ZNF283: variants seen among roughly 807,000 people sequenced by gnomAD.
ZNF283 encodes the protein zinc finger protein 41.
In ZNF283, 10 loss-of-function variants were observed where a neutral mutation model predicts 9.2. The observed-to-expected ratio is 1.09, with a 90% CI of 0.67 to 1.85. The LOEUF is 1.85. ZNF283 is among the 40% of genes most tolerant of loss of function. The probability of loss-of-function intolerance (pLI) is 0.00; values close to 1 mark genes in which losing one functional copy is unlikely to be tolerated. For missense variants in ZNF283, 631 were observed against 760.1 expected, an observed-to-expected ratio of 0.83 and a Z score of 2.00; for synonymous variants, 234 against 244.1, an observed-to-expected ratio of 0.96 and a Z score of 0.38.
intron 4 of ZNF283, among the ~76,000 whole-genome samples, chr19:43,834,171 T>C (rs1970849558): frequency 6.6e-6 from 1 of 152,176 alleles, no homozygotes; most frequent in African/African-American, 2.4e-5. Context: ...TTCAGTTATC[T>C]GGAGAGTACC....
Position 43,851,188 on chromosome 19 carries a change from T to G in ZNF283, c.*2547T>G, listed in dbSNP as rs16976854. ...ATATATTATTGGTAACTGGCTATTATGCCACTCCCTCTGGGTGCCACATTT... is the reference window on the plus strand; with the variant it reads ...ATATATTATTGGTAACTGGCTATTAGGCCACTCCCTCTGGGTGCCACATTT... On this transcript the variant is annotated 3_prime_UTR_variant, in exon 7 of 7. Transcript: ENST00000618787. The G allele has an allele frequency of 0.34, 52,176 of 151,974 alleles. 9,164 individuals are homozygous for G. Among genetic ancestry groups the G allele is most frequent in the African/African-American group, 0.38 (15,794 of 41,424 alleles). 9.4% of individuals were successfully genotyped at this position (151,974 alleles called of 1,614,324 possible). A position where few individuals can be genotyped will look rare whatever the true frequency, so the allele number is the denominator to read the frequency against.
Position 43,848,764 on chromosome 19 carries a change from G to A in ZNF283, c.*123G>A. On this transcript the variant is annotated 3_prime_UTR_variant, in exon 7 of 7. Transcript: ENST00000618787. ...CAAAAGCCATTCATTTCTGTTTATGGGCAATTATCTTGCTATCCAGCAATT... is the reference window on the plus strand; with the variant it reads ...CAAAAGCCATTCATTTCTGTTTATGAGCAATTATCTTGCTATCCAGCAATT... 1.1e-6 allele frequency: 1 copy of A among 940,528 alleles called. No individual in the cohort carries two copies. The highest frequency in any genetic ancestry group is 1.5e-6 in the Non-Finnish European group (1 of 665,082). The allele number at this position is 940,528 out of a possible 1,614,324, so 58.3% of individuals were successfully genotyped here. A position where few individuals can be genotyped will look rare whatever the true frequency, so the allele number is the denominator to read the frequency against.
intron 4 of ZNF283, among the ~76,000 whole-genome samples, chr19:43,834,726 GCTGGGA>G (rs1357143869): frequency 6.6e-6 from 1 of 151,954 alleles, no homozygotes; most frequent in Non-Finnish European, 1.5e-5. Flanking sequence ...CTCCTGAGTA[GCTGGGA>G]CTACAGGCGC....
At chr19:43,831,720 C>T (rs1300035605) in intron 3 of ZNF283, among the ~76,000 whole-genome samples, 1 of 152,140 alleles carries the variant, frequency 6.6e-6, no homozygotes, top group African/African-American at 2.4e-5. Flanking sequence ...CCTCCACCTC[C>T]CAGGCTCAAG....
intron 6 of ZNF283, chr19:43,837,536 TG>T (rs1214476104): frequency 2.9e-6 from 1 of 344,152 alleles, no homozygotes; most frequent in Admixed American, 4.7e-5. Context: ...AGCCTTGTGC[TG>T]AGCACTGTCA....
intron 6 of ZNF283, among the ~76,000 whole-genome samples, chr19:43,843,473 C>T (rs1210177247): frequency 6.6e-6 from 1 of 152,206 alleles, no homozygotes; most frequent in Non-Finnish European, 1.5e-5. Flanking sequence ...GAGCCTGTCA[C>T]TTCAAAAATA....
chr19:43,835,744 T>C (rs1232585942), intron 5 of ZNF283, among the ~76,000 whole-genome samples, 152 bp downstream of exon 5: 1 of 152,120 alleles, frequency 6.6e-6, no homozygotes, highest in Non-Finnish European at 1.5e-5. Flanking sequence ...CAACCTCAGT[T>C]TATGTGAAGC....
chr19:43,836,835 G>A (rs1971001129), intron 5 of ZNF283, among the ~76,000 whole-genome samples: 1 of 152,140 alleles, frequency 6.6e-6, no homozygotes, highest in Admixed American at 6.5e-5. Context: ...ACAGTATCCG[G>A]GAAGTTTTTT....
intron 2 of ZNF283, among the ~76,000 whole-genome samples, chr19:43,828,555 A>T (rs996212028): frequency 6.6e-6 from 1 of 152,208 alleles, no homozygotes; most frequent in Admixed American, 6.5e-5. Context: ...GTAGATTGCT[A>T]TTAGAGCATT....
chr19:43,843,298 G>A (rs904098074), intron 6 of ZNF283, among the ~76,000 whole-genome samples: 2 of 152,178 alleles, frequency 1.3e-5, no homozygotes, highest in Admixed American at 6.5e-5. Context: ...CCAAGATCGT[G>A]CCACTGCATT....
chr19:43,831,386 G>A lies in ZNF283; in HGVS notation c.-1+5G>A, dbSNP rs1432359603. On this transcript the variant is annotated splice_donor_5th_base_variant and intron_variant, in intron 3 of 6. Coordinates refer to ENST00000618787, the MANE Select transcript of ZNF283 (RefSeq NM_181845.2). ...CTACAGGATGTTCGAGAGCTGGTAG[G>A]TGTAAATTGTTTCAGGCCCACTGAT... is the stretch of plus-strand genomic sequence containing the variant. 6.3e-7 allele frequency: 1 copy of A among 1,592,818 alleles called. No individual in the cohort carries two copies. Among genetic ancestry groups the A allele is most frequent in the Non-Finnish European group, 8.5e-7 (1 of 1,177,136 alleles).
chr19:43,831,662 T>G (rs1157654848), intron 3 of ZNF283, among the ~76,000 whole-genome samples: 2 of 152,232 alleles, frequency 1.3e-5, no homozygotes, highest in African/African-American at 4.8e-5. Context: ...AGTTTCTCAT[T>G]CTGTCACCCA....
Position 43,847,747 on chromosome 19 carries a change from G to A in ZNF283, c.1146G>A (p.Lys382=). ...KKPYECKICG[K]AFCWGYQLTR... is the part of the protein sequence containing the mutation. ...CTTATGAATGTAAAATATGTGGAAAGGCTTTTTGTTGGGGCTATCAACTTA... is the reference window on the plus strand; with the variant it reads ...CTTATGAATGTAAAATATGTGGAAAAGCTTTTTGTTGGGGCTATCAACTTA... The change falls in exon 7 of 7, where the codon AAG becomes AAA. Residue 382 remains lysine, a synonymous_variant. Coordinates refer to ENST00000618787, the MANE Select transcript of ZNF283 (RefSeq NM_181845.2). 6.2e-7 allele frequency: 1 copy of A among 1,613,578 alleles called. No individual in the cohort carries two copies. The highest frequency in any genetic ancestry group is 8.5e-7 in the Non-Finnish European group (1 of 1,179,846).
At chr19:43,838,527 G>C (rs1389974370) in intron 6 of ZNF283, among the ~76,000 whole-genome samples, 1 of 152,158 alleles carries the variant, frequency 6.6e-6, no homozygotes, top group African/African-American at 2.4e-5. Flanking sequence ...AACTGGGGAG[G>C]CTGAGGTGGC....
chr19:43,843,067 G>A (rs1971274112), intron 6 of ZNF283, among the ~76,000 whole-genome samples: 1 of 152,192 alleles, frequency 6.6e-6, no homozygotes, highest in South Asian at 2.1e-4. Flanking sequence ...TAAAGGCCAG[G>A]CTCTGTGGCT....
At chr19:43,842,597 T>G (rs1378203819) in intron 6 of ZNF283, among the ~76,000 whole-genome samples, 2 of 152,254 alleles carry the variant, frequency 1.3e-5, no homozygotes, top group African/African-American at 4.8e-5. Context: ...TTACTCTAGG[T>G]AGGGCAGTGG....
rs979822760 is a variant in ZNF283, at chr19:43,847,235, T to G, written c.634T>G (p.Cys212Gly). The G allele has an allele frequency of 6.2e-7, 1 of 1,613,932 alleles. No individual in the cohort carries two copies. Among genetic ancestry groups the G allele is most frequent in the Non-Finnish European group, 8.5e-7 (1 of 1,179,826 alleles). Residue 212 changes from cysteine (C) to glycine (G), a missense_variant, in exon 7 of 7, where the codon TGT (cysteine) becomes GGT (glycine). This residue lies in a region of ZNF283 where 184 missense variants were observed against 220.0 expected (regional missense o/e 0.84). Transcript: ENST00000618787. ...NTEKSYVCKE[C>G]GKACSHGSKL... is the part of the protein sequence containing the mutation. ...AGAGAAATCCTATGTTTGTAAGGAA[T>G]GTGGGAAGGCTTGCAGTCATGGCTC...
intron 5 of ZNF283, among the ~76,000 whole-genome samples, chr19:43,836,402 C>T (rs1970980882): frequency 6.6e-6 from 1 of 152,180 alleles, no homozygotes; most frequent in Admixed American, 6.5e-5. Flanking sequence ...AGTGCAGTGG[C>T]ACAATCTCGG....
At position 43,827,394 on chromosome 19, in the gene ZNF283, C is replaced by T. The variant is rs1188374805; in HGVS notation, c.-195C>T. Reference sequence around the variant, plus strand: ...TCAGCCTCTGGGTCCAAACTAACCACAGGTCTCTGGGTCCTTTTCCGGTGT... The same window carrying T: ...TCAGCCTCTGGGTCCAAACTAACCATAGGTCTCTGGGTCCTTTTCCGGTGT... On this transcript the variant is annotated 5_prime_UTR_variant, in exon 1 of 7. Transcript: ENST00000618787. 6.6e-6 allele frequency: 1 copy of T among 152,368 alleles called. No homozygotes were observed. Among genetic ancestry groups the T allele is most frequent in the African/African-American group, 2.4e-5 (1 of 41,466 alleles). The allele number at this position is 152,368 out of a possible 1,614,324, so 9.4% of individuals were successfully genotyped here. A position where few individuals can be genotyped will look rare whatever the true frequency, so the allele number is the denominator to read the frequency against.
Sources: gnomAD v4.1 joint callset for allele counts (sites outside exome capture counted in the v4.1 genomes callset) on GRCh38, gnomAD v4.1.1 for gene constraint, gnomAD v4.1.1 regional missense constraint, MANE v1.5 for transcripts, NCBI Gene and HGNC (gene_info 2026-07-23, HGNC 2026-07-21) for gene names.